AMMECR1: variants seen among roughly 807,000 people sequenced by gnomAD.
The protein encoded by AMMECR1 is nuclear protein AMMECR1.
Under a neutral mutation model 22.5 loss-of-function variants are expected in AMMECR1, and 3 were observed. The ratio of observed to expected loss-of-function variants is 0.13; its 90% CI spans 0.06 to 0.35. The LOEUF is 0.35. AMMECR1 is among the 10% of genes least tolerant of loss of function. The probability of loss-of-function intolerance (pLI) is 1.00; values close to 1 mark genes in which losing one functional copy is unlikely to be tolerated. For synonymous variants in AMMECR1, 130 were observed against 116.7 expected (o/e 1.11, Z -0.74); for missense variants, 235 against 278.7 (o/e 0.84, Z 1.12).
At chrX:110,235,812 G>T (rs1423584710) in intron 2 of AMMECR1, among the ~76,000 whole-genome samples, 2 of 111,399 alleles carry the variant, frequency 1.8e-5, no homozygotes, top group African/African-American at 3.3e-5. Context: ...AGGGCCTGTT[G>T]TGGGGTTGGG....
intron 2 of AMMECR1, among the ~76,000 whole-genome samples, chrX:110,423,396 G>A (rs765651679): frequency 9.1e-6 from 1 of 110,187 alleles, no homozygotes; most frequent in East Asian, 2.9e-4. Flanking sequence ...GAGAAGGAGA[G>A]AAGAAGAAGG....
At chrX:110,306,818 G>A (rs1191999015) in intron 1 of AMMECR1, 1 of 111,979 alleles carries the variant, frequency 8.9e-6, no homozygotes, top group Non-Finnish European at 1.9e-5. Context: ...GAAGAAATGA[G>A]TTGCTTTAGG....
At chrX:110,376,040 A>G (rs1233323471) in intron 2 of AMMECR1, among the ~76,000 whole-genome samples, 1 of 111,772 alleles carries the variant, frequency 8.9e-6, no homozygotes. Context: ...GTGATGTGGA[A>G]ACTGAGATTC....
chrX:110,431,323 C>CTGTG (rs759432836), intron 1 of AMMECR1, among the ~76,000 whole-genome samples: 7,254 of 94,834 alleles, frequency 0.076, 657 homozygotes, highest in African/African-American at 0.25. Context: ...GAGGGGAAGG[C>CTGTG]TGTGTGTGTG....
At chrX:110,404,969 T>A (rs2148300488) in intron 2 of AMMECR1, among the ~76,000 whole-genome samples, 1 of 111,212 alleles carries the variant, frequency 9.0e-6, no homozygotes, top group South Asian at 3.9e-4. Flanking sequence ...CATTGTCATT[T>A]CTCCTAATAG....
chrX:110,210,892 C>T (rs183211511), intron 3 of AMMECR1, among the ~76,000 whole-genome samples: 119 of 111,430 alleles, frequency 1.1e-3, no homozygotes, highest in Non-Finnish European at 1.7e-3. Context: ...GCTTTATAGT[C>T]CAGGGACAGA....
chrX:110,341,486 TAA>T (rs1415261815), intron 2 of AMMECR1, among the ~76,000 whole-genome samples: 13 of 112,304 alleles, frequency 1.2e-4, no homozygotes, highest in Non-Finnish European at 2.3e-4. Flanking sequence ...AAACAATTCA[TAA>T]GTTTTAAATT....
intron 2 of AMMECR1, among the ~76,000 whole-genome samples, chrX:110,238,558 T>G (rs2067613823): frequency 8.9e-6 from 1 of 112,203 alleles, no homozygotes; most frequent in East Asian, 2.8e-4. Flanking sequence ...TCAGGGACTT[T>G]CAGATAAAAA....
chrX:110,345,262 G>A lies in AMMECR1; in HGVS notation c.-147-27413C>T, dbSNP rs761324272. 3.5e-4 allele frequency among the ~76,000 whole-genome samples: 38 copies of A among 109,698 alleles called. 1 individual carries two copies. The East Asian group carries it at 9.4e-3, about 27-fold the overall frequency. On this transcript the variant is annotated intron_variant, in intron 2 of 7. Coordinates refer to the AMMECR1 transcript ENST00000372057. ...TCACAAGGACAAAAAACCAAACACC[G>A]CATGTTCTCACTCATAGGTGGGAAT...
chrX:110,268,608 C>T (rs1377798283), intron 1 of AMMECR1, among the ~76,000 whole-genome samples: 3 of 111,616 alleles, frequency 2.7e-5, no homozygotes, highest in East Asian at 5.6e-4. Context: ...GCAATGACTA[C>T]GAGAACATTC....
chrX:110,222,634 GAAAGAAA>G (rs1265677774), intron 2 of AMMECR1, among the ~76,000 whole-genome samples: 1 of 93,573 alleles, frequency 1.1e-5, no homozygotes, highest in East Asian at 3.3e-4. Context: ...AAAAAAAAAA[GAAAGAAA>G]AAGGAAAAAG....
In AMMECR1 at chrX:110,197,471, T is replaced by C. The variant is rs181901225; in HGVS notation, c.*1049A>G. 8.9e-6 allele frequency: 1 copy of C among 111,867 alleles called. No homozygotes were observed. Among genetic ancestry groups the C allele is most frequent in the East Asian group, 2.8e-4 (1 of 3,564 alleles). 9.2% of individuals were successfully genotyped at this position (111,867 alleles called of 1,213,427 possible). On this transcript the variant is annotated 3_prime_UTR_variant, in exon 6 of 6. Transcript: ENST00000262844. ...TAAATTAATATAAAATAGACAAATGTCTCTTATTGGTTATTTGCTCAAAAT... is the reference window on the plus strand; with the variant it reads ...TAAATTAATATAAAATAGACAAATGCCTCTTATTGGTTATTTGCTCAAAAT...
At chrX:110,301,823 A>G (rs1264442233) in intron 1 of AMMECR1, among the ~76,000 whole-genome samples, 1 of 112,065 alleles carries the variant, frequency 8.9e-6, no homozygotes, top group Non-Finnish European at 1.9e-5. Context: ...AACCCCCTAA[A>G]ATCCATTCTT....
intron 2 of AMMECR1, among the ~76,000 whole-genome samples, chrX:110,359,297 C>CT (rs750661684): frequency 5.5e-4 from 61 of 110,971 alleles, no homozygotes; most frequent in Non-Finnish European, 9.5e-4. Flanking sequence ...ACCCCTTTGG[C>CT]TTTTTTTTCA....
intron 1 of AMMECR1, among the ~76,000 whole-genome samples, chrX:110,284,347 G>C (rs985022576): frequency 1.8e-5 from 2 of 111,273 alleles, no homozygotes; most frequent in African/African-American, 6.5e-5. Flanking sequence ...AATTTTTCCA[G>C]CTTTAGTCAC....
intron 2 of AMMECR1, among the ~76,000 whole-genome samples, chrX:110,378,463 T>C (rs1483913627): frequency 9.0e-6 from 1 of 111,704 alleles, no homozygotes; most frequent in Non-Finnish European, 1.9e-5. Context: ...TGGCAAAAGA[T>C]CCTTGAAGTT....
chrX:110,271,747 G>GT (rs1426171976), intron 1 of AMMECR1, among the ~76,000 whole-genome samples: 25 of 110,575 alleles, frequency 2.3e-4, no homozygotes, highest in East Asian at 1.7e-3. Flanking sequence ...ATAGCTGTGG[G>GT]TTTTTTTTCC....
At chrX:110,379,761 G>A (rs758003902) in intron 2 of AMMECR1, among the ~76,000 whole-genome samples, 16 of 112,096 alleles carry the variant, frequency 1.4e-4, no homozygotes, top group African/African-American at 4.9e-4. Context: ...TCCCAATACC[G>A]ATGAACTAAA....
rs1169552549 is a variant in AMMECR1 at position 110,196,201 on chromosome X, A to G, written c.*2319T>C. The G allele has an allele frequency of 9.0e-6, 1 of 111,373 alleles. No homozygotes were observed. Among genetic ancestry groups the G allele is most frequent in the African/African-American group, 3.3e-5 (1 of 30,561 alleles). The allele number at this position is 111,373 out of a possible 1,213,427, so 9.2% of individuals were successfully genotyped here. A position where few individuals can be genotyped will look rare whatever the true frequency, so the allele number is the denominator to read the frequency against. On this transcript the variant is annotated 3_prime_UTR_variant, in exon 6 of 6. Transcript: ENST00000262844. ...TATGTATGTATGTATGTGTAAGTATATGTACACACACACATCTATGTATGT... is the reference window on the plus strand; with the variant it reads ...TATGTATGTATGTATGTGTAAGTATGTGTACACACACACATCTATGTATGT...
Sources: gnomAD v4.1 joint callset for allele counts (sites outside exome capture counted in the v4.1 genomes callset) on GRCh38, gnomAD v4.1.1 for gene constraint, MANE v1.5 for transcripts, NCBI Gene and HGNC (gene_info 2026-07-23, HGNC 2026-07-21) for gene names.